TGFBR3: variants seen among roughly 807,000 people sequenced by gnomAD.
The protein encoded by TGFBR3 is transforming growth factor beta receptor type 3.
TGFBR3 carries 46 observed loss-of-function variants against 87.9 expected under a neutral mutation model. That is an observed-to-expected ratio of 0.52 (90% CI 0.41 to 0.67). TGFBR3 has a LOEUF of 0.67. TGFBR3 is among the 30% of genes least tolerant of loss of function. The pLI is 0.00. For synonymous variants in TGFBR3, 381 were observed against 391.6 expected, an observed-to-expected ratio of 0.97 and a Z score of 0.32; for missense variants, 866 against 1,041.9, an observed-to-expected ratio of 0.83 and a Z score of 2.32.
In TGFBR3 at chr1:91,682,652, T is replaced by A; in HGVS notation, c.*1087A>T. On this transcript the variant is annotated 3_prime_UTR_variant, in exon 17 of 17. Coordinates refer to ENST00000212355, the MANE Select transcript of TGFBR3 (RefSeq NM_003243.5). ...AACTGGAGACCGACAGGATTTGCCATGCATTTGCATCTTGCTACAGTTTGG... is the reference window on the plus strand; with the variant it reads ...AACTGGAGACCGACAGGATTTGCCAAGCATTTGCATCTTGCTACAGTTTGG... The A allele has an allele frequency of 2.2e-6, 1 of 454,036 alleles. No homozygotes were observed. The allele number at this position is 454,036 out of a possible 1,614,324, so 28.1% of individuals were successfully genotyped here.
chr1:91,766,203 T>C (rs1444785568), intron 3 of TGFBR3, among the ~76,000 whole-genome samples: 1 of 146,074 alleles, frequency 6.8e-6, no homozygotes. Flanking sequence ...GTTTTCTTTT[T>C]TTTTTTTTTT....
chr1:91,725,625 GAACA>G (rs1672522498), intron 7 of TGFBR3, among the ~76,000 whole-genome samples: 1 of 152,154 alleles, frequency 6.6e-6, no homozygotes, highest in South Asian at 2.1e-4. Context: ...GCAAATAAAT[GAACA>G]AACAAATGAA....
chr1:91,726,678 G>C (rs1472411761), intron 7 of TGFBR3, among the ~76,000 whole-genome samples: 1 of 151,254 alleles, frequency 6.6e-6, no homozygotes, highest in African/African-American at 2.4e-5. Context: ...CACATGGAAG[G>C]TGCCATGAAT....
At chr1:91,806,416 A>C (rs1239752763) in intron 2 of TGFBR3, among the ~76,000 whole-genome samples, 1 of 152,172 alleles carries the variant, frequency 6.6e-6, no homozygotes, top group East Asian at 1.9e-4. Context: ...TTTAAATTTA[A>C]TCAGTGCCAA....
At chr1:91,758,542 A>C in intron 4 of TGFBR3, 71 bp downstream of exon 4, 2 of 1,571,288 alleles carry the variant, frequency 1.3e-6, no homozygotes, top group South Asian at 2.2e-5. Context: ...CTTTATGAAA[A>C]GTTTGGCAAA....
At chr1:91,849,467 G>A (rs375061574) in intron 2 of TGFBR3, among the ~76,000 whole-genome samples, 1 of 152,220 alleles carries the variant, frequency 6.6e-6, no homozygotes, top group African/African-American at 2.4e-5. Context: ...TCTTTCCCCA[G>A]ATATCCACTT....
At chr1:91,844,111 T>C (rs1159081503) in intron 2 of TGFBR3, among the ~76,000 whole-genome samples, 1 of 152,252 alleles carries the variant, frequency 6.6e-6, no homozygotes, top group African/African-American at 2.4e-5. Flanking sequence ...ATATTCATTT[T>C]ACTACATCTC....
rs1177952848 is a variant in TGFBR3 at position 91,852,627 on chromosome 1, C to T, written c.61+8844G>A. Among the ~76,000 whole-genome samples, 10 of 152,048 alleles carry T rather than the reference C, an allele frequency of 6.6e-5. No homozygotes were observed. In the South Asian group the frequency reaches 1.2e-3, roughly 19 times the overall value. Reference sequence around the variant, plus strand: ...TGTTGCCCAGGCTGGAGTGCAGTGGCGCCATCTCGGCTCACCGCAACCTCC... The same window carrying T: ...TGTTGCCCAGGCTGGAGTGCAGTGGTGCCATCTCGGCTCACCGCAACCTCC... On this transcript the variant is annotated intron_variant, in intron 2 of 16. Coordinates refer to ENST00000212355, the MANE Select transcript of TGFBR3 (RefSeq NM_003243.5).
At chr1:91,866,440 T>C (rs900789962) in intron 1 of TGFBR3, among the ~76,000 whole-genome samples, 10 of 152,164 alleles carry the variant, frequency 6.6e-5, no homozygotes, top group Admixed American at 3.9e-4. Context: ...ACAACTGATA[T>C]TCAATAAATA....
intron 2 of TGFBR3, among the ~76,000 whole-genome samples, chr1:91,808,855 T>C (rs539631228): frequency 6.6e-6 from 1 of 152,316 alleles, no homozygotes; most frequent in South Asian, 2.1e-4. Context: ...GGCTACAGCA[T>C]TCATTTTGGA....
intron 2 of TGFBR3, among the ~76,000 whole-genome samples, chr1:91,854,801 A>G (rs1266972013): frequency 6.6e-6 from 1 of 152,202 alleles, no homozygotes; most frequent in African/African-American, 2.4e-5. Flanking sequence ...TGTCTGCAAA[A>G]GCATGTCTAA....
At chr1:91,692,212 A>T (rs1217009907) in intron 16 of TGFBR3, among the ~76,000 whole-genome samples, 1 of 152,172 alleles carries the variant, frequency 6.6e-6, no homozygotes, top group Non-Finnish European at 1.5e-5. Flanking sequence ...ATGGTGGGGG[A>T]AGGGGACATT....
intron 16 of TGFBR3, among the ~76,000 whole-genome samples, chr1:91,689,798 G>A (rs868359514): frequency 4.9e-5 from 7 of 141,474 alleles, no homozygotes; most frequent in Middle Eastern, 7.7e-3. Context: ...AAATGCTGAT[G>A]CAGACTAGTA....
chr1:91,853,865 T>C (rs1282134286), intron 2 of TGFBR3, among the ~76,000 whole-genome samples: 3 of 151,962 alleles, frequency 2.0e-5, no homozygotes, highest in African/African-American at 7.3e-5. Flanking sequence ...TAACAAAAAT[T>C]GGCCAGGTGT....
chr1:91,755,782 C>T (rs1403020050), intron 4 of TGFBR3, among the ~76,000 whole-genome samples: 3 of 152,100 alleles, frequency 2.0e-5, no homozygotes, highest in African/African-American at 7.2e-5. Context: ...AGAAAGAATC[C>T]AGGCAGCGAT....
rs1237704407 is a variant in TGFBR3, at chr1:91,680,712, C to CAGCA, written c.*3023_*3026dup. On this transcript the variant is annotated 3_prime_UTR_variant, in exon 17 of 17. Coordinates refer to ENST00000212355, the MANE Select transcript of TGFBR3 (RefSeq NM_003243.5). ...ACAAAATGTGCTCTGTTAACACAAC[C>CAGCA]AGCAGTACAATCATCATTCAAACCA... 2.2e-6 allele frequency: 1 copy of CAGCA among 453,924 alleles called. No individual in the cohort carries two copies. Among genetic ancestry groups the CAGCA allele is most frequent in the Non-Finnish European group, 4.4e-6 (1 of 226,784 alleles). The allele number at this position is 453,924 out of a possible 1,614,324, so 28.1% of individuals were successfully genotyped here.
chr1:91,715,851 A>AG (rs1407940792), intron 12 of TGFBR3, among the ~76,000 whole-genome samples: 1 of 144,166 alleles, frequency 6.9e-6, no homozygotes, highest in Non-Finnish European at 1.5e-5. Context: ...GGGACTGTGC[A>AG]GGGAAAAAAA....
At chr1:91,796,936 C>T (rs1197683360) in intron 3 of TGFBR3, among the ~76,000 whole-genome samples, 2 of 151,524 alleles carry the variant, frequency 1.3e-5, no homozygotes, top group African/African-American at 4.9e-5. Context: ...TGCTATGTTT[C>T]CCAGGCTGGT....
At chr1:91,713,948 AG>A (rs1344871712) in intron 12 of TGFBR3, among the ~76,000 whole-genome samples, 2 of 151,970 alleles carry the variant, frequency 1.3e-5, no homozygotes, top group Non-Finnish European at 2.9e-5. Context: ...AGAATGTCTA[AG>A]GTATCCCAAA....
Sources: allele counts gnomAD v4.1 joint callset (sites outside exome capture counted in the v4.1 genomes callset), GRCh38; gene constraint gnomAD v4.1.1; transcripts MANE v1.5; gene names NCBI Gene and HGNC (gene_info 2026-07-23, HGNC 2026-07-21).